Variants in TAMM41 observed in about 807,000 individuals in gnomAD.
TAMM41 encodes TAM41 mitochondrial translocator assembly and maintenance homolog, also known as phosphatidate cytidylyltransferase, mitochondrial.
A neutral mutation model predicts 44.1 loss-of-function variants in TAMM41; 36 were observed. The ratio of observed to expected loss-of-function variants is 0.82; its 90% CI spans 0.63 to 1.08. The LOEUF is 1.08. TAMM41 is among the 50% of genes least tolerant of loss of function. TAMM41 has a pLI of 0.00. For missense variants in TAMM41, 417 were observed against 404.3 expected, an observed-to-expected ratio of 1.03 and a Z score of -0.27; for synonymous variants, 164 against 153.1, an observed-to-expected ratio of 1.07 and a Z score of -0.53.
the TAMM41 span, among the ~76,000 whole-genome samples, chr3:11,723,899 T>A: frequency 6.6e-6 from 1 of 151,510 alleles, no homozygotes; most frequent in Non-Finnish European, 1.5e-5. Flanking sequence ...AGGGGGTGAC[T>A]GAGTGGAGGT....
chr3:11,757,668 A>G, the TAMM41 span, among the ~76,000 whole-genome samples: 1 of 152,232 alleles, frequency 6.6e-6, no homozygotes, highest in Non-Finnish European at 1.5e-5. Flanking sequence ...GGCCACAGAC[A>G]GCAAAATGAC....
chr3:11,759,046 A>C, the TAMM41 span, among the ~76,000 whole-genome samples: 1 of 152,206 alleles, frequency 6.6e-6, no homozygotes, highest in South Asian at 2.1e-4. Flanking sequence ...AATAAAGAGC[A>C]TTATATGCTT....
rs1381988064 is a variant in TAMM41, at chr3:11,817,203, C to T, written c.697G>A (p.Gly233Ser). The change falls in exon 5 of 8, where the codon GGC (glycine) becomes AGC (serine). Residue 233 changes from glycine (G) to serine (S), a missense_variant. Coordinates refer to ENST00000455809, the MANE Select transcript of TAMM41 (RefSeq NM_001284401.2). Reference sequence around the variant, plus strand: ...CCACATACAGTTACCTCCAGCCAGCCTTGCTGGCTTTTATACACCACTTGA... The same window carrying T: ...CCACATACAGTTACCTCCAGCCAGCTTTGCTGGCTTTTATACACCACTTGA... Reference protein sequence around the residue: ...NPQVVYKSQQGWLEIDKSPEG... With the variant: ...NPQVVYKSQQSWLEIDKSPEG... 1.4e-5 allele frequency: 23 copies of T among 1,610,748 alleles called. No homozygotes were observed. The highest frequency in any genetic ancestry group is 1.9e-5 in the Non-Finnish European group (22 of 1,177,578).
chr3:11,804,588 C>T (rs2077846396), intron 7 of TAMM41, among the ~76,000 whole-genome samples: 1 of 152,094 alleles, frequency 6.6e-6, no homozygotes, highest in Admixed American at 6.6e-5. Flanking sequence ...GGGACGCCAA[C>T]AACAAAACAA....
At position 11,809,893 on chromosome 3, in the gene TAMM41, T is replaced by G. The variant is rs1377306274; in HGVS notation, c.709-211A>C. Reference sequence around the variant, plus strand: ...CCTTCAAAAAGGACAATTCTTGTCCTATAATATTCCATTTCTACCTGAGAA... The same window carrying G: ...CCTTCAAAAAGGACAATTCTTGTCCGATAATATTCCATTTCTACCTGAGAA... On this transcript the variant is annotated intron_variant, in intron 5 of 7. Coordinates refer to ENST00000455809, the MANE Select transcript of TAMM41 (RefSeq NM_001284401.2). 4 of 441,888 alleles carry G rather than the reference T, an allele frequency of 9.1e-6. No homozygotes were observed. In the East Asian group the frequency reaches 1.4e-4, roughly 16 times the overall value. 27.4% of individuals were successfully genotyped at this position (441,888 alleles called of 1,614,324 possible).
chr3:11,841,073 ATTTTTT>A (rs141805597), intron 2 of TAMM41, among the ~76,000 whole-genome samples: 2,189 of 83,882 alleles, frequency 0.026, 35 homozygotes, highest in East Asian at 0.14. Flanking sequence ...GCCCATTTCT[ATTTTTT>A]TTTTTTTTTT....
chr3:11,759,545 A>G, the TAMM41 span, among the ~76,000 whole-genome samples: 3 of 151,092 alleles, frequency 2.0e-5, no homozygotes, highest in Non-Finnish European at 2.9e-5. Context: ...TCCACAGCCC[A>G]TGTATGGATG....
chr3:11,846,651 CAG>C lies in TAMM41; in HGVS notation c.-17_-16del, dbSNP rs1481871260. Reference sequence around the variant, plus strand: ...TGCAGCGCCATGGGGTCGAGGCTAACAGGGGACACTCAGCGCAGCAGGGCGAG... The same window carrying C: ...TGCAGCGCCATGGGGTCGAGGCTAACGGGACACTCAGCGCAGCAGGGCGAG... On this transcript the variant is annotated 5_prime_UTR_variant, in exon 1 of 8. Coordinates refer to ENST00000455809, the MANE Select transcript of TAMM41 (RefSeq NM_001284401.2). The C allele has an allele frequency of 1.2e-6, 2 of 1,614,024 alleles. No homozygotes were observed. The highest frequency in any genetic ancestry group is 2.2e-5 in the East Asian group (1 of 44,890).
chr3:11,794,326 T>TG (rs2077556125), intron 7 of TAMM41, among the ~76,000 whole-genome samples: 3 of 151,960 alleles, frequency 2.0e-5, no homozygotes, highest in Non-Finnish European at 4.4e-5. Flanking sequence ...TTTGTAGAGA[T>TG]GGGGTCTTGC....
chr3:11,839,369 T>A (rs760607469), intron 2 of TAMM41, 55 bp from the exon 3 acceptor site: 10 of 1,148,310 alleles, frequency 8.7e-6, no homozygotes, highest in Non-Finnish European at 1.3e-5. Flanking sequence ...TTATTGCTTA[T>A]ACAAGTATAA....
chr3:11,836,164 T>C (rs115957632), intron 3 of TAMM41, among the ~76,000 whole-genome samples: 117 of 151,970 alleles, frequency 7.7e-4, no homozygotes, highest in Admixed American at 1.2e-3. Context: ...TTAATTATTG[T>C]ATTTTTAGTA....
the TAMM41 span, among the ~76,000 whole-genome samples, chr3:11,754,708 CTTTTTTT>C: frequency 2.3e-3 from 241 of 103,548 alleles, no homozygotes; most frequent in African/African-American, 7.2e-3. Context: ...TCTCAGATCT[CTTTTTTT>C]TTTTTTTTTT....
At chr3:11,806,621 T>A (rs890112301) in intron 7 of TAMM41, among the ~76,000 whole-genome samples, 3 of 152,046 alleles carry the variant, frequency 2.0e-5, no homozygotes, top group African/African-American at 7.2e-5. Flanking sequence ...GGGGGTGCAA[T>A]ATCTGAATAA....
the TAMM41 span, among the ~76,000 whole-genome samples, chr3:11,783,392 G>A: frequency 2.6e-5 from 4 of 151,598 alleles, no homozygotes; most frequent in African/African-American, 9.7e-5. Context: ...GGTATGACTA[G>A]CCACCTTTGG....
intron 1 of TAMM41, chr3:11,844,793 C>A: frequency 2.7e-6 from 1 of 377,124 alleles, no homozygotes; most frequent in Non-Finnish European, 5.2e-6. Context: ...TGAACTCTGA[C>A]AGGCCCTAGG....
In TAMM41 at chr3:11,806,705, T is replaced by C. The variant is rs74770350; in HGVS notation, c.937+1128A>G. On this transcript the variant is annotated intron_variant, in intron 7 of 7. Coordinates refer to ENST00000455809, the MANE Select transcript of TAMM41 (RefSeq NM_001284401.2). Reference sequence around the variant, plus strand: ...GAAAAAATTTAAAACATTTTTCTTATATGCTTATATTCTGAGTTTCCCAAC... The same window carrying C: ...GAAAAAATTTAAAACATTTTTCTTACATGCTTATATTCTGAGTTTCCCAAC... 1.7e-3 allele frequency among the ~76,000 whole-genome samples: 261 copies of C among 152,306 alleles called. 7 individuals are homozygous for C. The East Asian group carries it at 0.045, about 26-fold the overall frequency.
the TAMM41 span, among the ~76,000 whole-genome samples, chr3:11,772,530 CT>C: frequency 7.2e-5 from 11 of 151,900 alleles, no homozygotes; most frequent in South Asian, 1.9e-3. Flanking sequence ...TGATTTCATT[CT>C]TTTTTTTAAT....
At chr3:11,779,789 C>T in the TAMM41 span, among the ~76,000 whole-genome samples, 2 of 152,334 alleles carry the variant, frequency 1.3e-5, no homozygotes, top group Middle Eastern at 3.4e-3. Flanking sequence ...ACATCTTCCA[C>T]AGACATTCCA....
At chr3:11,833,048 C>G in intron 3 of TAMM41, 1 of 1,218,274 alleles carries the variant, frequency 8.2e-7, no homozygotes. Flanking sequence ...CTGTGCTGAT[C>G]TGGTTCTTCA....
Sources: allele counts gnomAD v4.1 joint callset (sites outside exome capture counted in the v4.1 genomes callset), GRCh38; gene constraint gnomAD v4.1.1; transcripts MANE v1.5; gene names NCBI Gene and HGNC (gene_info 2026-07-23, HGNC 2026-07-21).